SIRT7: variants seen among roughly 807,000 people sequenced by gnomAD.
SIRT7 encodes NAD-dependent protein deacetylase sirtuin-7.
Under a neutral mutation model 42.8 loss-of-function variants are expected in SIRT7, and 32 were observed. The ratio of observed to expected loss-of-function variants is 0.75; its 90% confidence interval spans 0.56 to 1.00. SIRT7 has a LOEUF of 1.00. SIRT7 is among the 50% of genes least tolerant of loss of function. The pLI is 0.00. For missense variants in SIRT7, 553 were observed against 572.2 expected (o/e 0.97, Z 0.34); for synonymous variants, 297 against 245.2 (o/e 1.21, Z -1.97).
intron 5 of SIRT7, chr17:81,915,106 GCAGAAGGTCCC>G (rs570530017): frequency 1.3e-3 from 622 of 496,310 alleles, no homozygotes; most frequent in Non-Finnish European, 2.0e-3. Flanking sequence ...AGGGTGTTCA[GCAGAAGGTCCC>G]CAGAGATGTC....
rs2040667912 is a variant in SIRT7 at position 81,912,006 on chromosome 17, T to C, written c.*410A>G. 2 of 243,900 alleles carry C rather than the reference T, an allele frequency of 8.2e-6. No individual in the cohort carries two copies. Among genetic ancestry groups the C allele is most frequent in the African/African-American group, 4.7e-5 (2 of 42,514 alleles). 15.1% of individuals were successfully genotyped at this position (243,900 alleles called of 1,614,324 possible). On this transcript the variant is annotated 3_prime_UTR_variant, in exon 10 of 10. Coordinates refer to ENST00000328666, the MANE Select transcript of SIRT7 (RefSeq NM_016538.3). Reference sequence around the variant, plus strand: ...GAGCCGAGGCTCGGAGCCACCCCTCTGCCGCACATCCAGTACAGAGAGGAT... The same window carrying C: ...GAGCCGAGGCTCGGAGCCACCCCTCCGCCGCACATCCAGTACAGAGAGGAT...
Position 81,917,815 on chromosome 17 carries a change from G to A in SIRT7, c.231+15C>T. On this transcript the variant is annotated intron_variant, in intron 2 of 9. Coordinates refer to ENST00000328666, the MANE Select transcript of SIRT7 (RefSeq NM_016538.3). ...CCGAAACCGGGGGCGCCCGCGCGCC[G>A]CACGCGGAACTCGCCTCCTCCTGCC... 2 of 1,411,632 alleles carry A rather than the reference G, an allele frequency of 1.4e-6. No homozygotes were observed. The highest frequency in any genetic ancestry group is 3.3e-5 in the Admixed American group (1 of 29,884). 87.4% of individuals were successfully genotyped at this position (1,411,632 alleles called of 1,614,324 possible). A position where few individuals can be genotyped will look rare whatever the true frequency, so the allele number is the denominator to read the frequency against.
chr17:81,917,323 G>A, intron 3 of SIRT7: 2 of 310,312 alleles, frequency 6.4e-6, no homozygotes, highest in Non-Finnish European at 1.2e-5. Flanking sequence ...ATCTTCCCTC[G>A]ACATGGACAG....
intron 5 of SIRT7, 51 bp from the exon 6 acceptor site, chr17:81,914,753 G>C (rs775241313): frequency 2.0e-6 from 3 of 1,486,134 alleles, no homozygotes; most frequent in Admixed American, 3.3e-5. Context: ...AGTGGTGGTG[G>C]GGAGGTCAGT....
chr17:81,917,981 G>A lies in SIRT7; in HGVS notation c.94-14C>T, dbSNP rs769282510. The A allele has an allele frequency of 2.5e-5, 33 of 1,335,734 alleles. No homozygotes were observed. Among genetic ancestry groups the A allele is most frequent in the South Asian group, 2.4e-4 (12 of 49,604 alleles). 82.7% of individuals were successfully genotyped at this position (1,335,734 alleles called of 1,614,324 possible). A position where few individuals can be genotyped will look rare whatever the true frequency, so the allele number is the denominator to read the frequency against. On this transcript the variant is annotated splice_polypyrimidine_tract_variant and intron_variant, in intron 1 of 9. Transcript: ENST00000328666. ...GATGCGCGACACCTGCGGGCAGGCG[G>A]ACGGTGAGCGGCGGCGCGGGCCGGG...
intron 5 of SIRT7, 80 bp downstream of exon 5, chr17:81,915,360 G>A (rs1194494248): frequency 4.8e-6 from 7 of 1,467,402 alleles, no homozygotes; most frequent in African/African-American, 4.2e-5. Flanking sequence ...GACAGAGGGC[G>A]GGTGCAGTTA....
intron 9 of SIRT7, 36 bp from the exon 10 acceptor site, chr17:81,912,650 G>T: frequency 6.3e-7 from 1 of 1,588,056 alleles, no homozygotes; most frequent in South Asian, 1.1e-5. Context: ...GGCGGGCCTG[G>T]GAGCCTCTCG....
At chr17:81,915,544 G>T in intron 4 of SIRT7, 32 bp from the exon 5 acceptor site, 1 of 1,613,388 alleles carries the variant, frequency 6.2e-7, no homozygotes, top group Non-Finnish European at 8.5e-7. Context: ...AAGGTGAGGA[G>T]AGCTGGAGCT....
At chr17:81,915,841 T>C (rs1291283449) in intron 3 of SIRT7, 160 bp from the exon 4 acceptor site, 3 of 769,992 alleles carry the variant, frequency 3.9e-6, no homozygotes, top group Non-Finnish European at 6.5e-6. Context: ...TGAGCCCATA[T>C]GGAGTGTACC....
chr17:81,917,063 A>C (rs546220114), intron 3 of SIRT7: 1 of 152,220 alleles, frequency 6.6e-6, no homozygotes, highest in African/African-American at 2.4e-5. Context: ...TTATTTGTTC[A>C]CATGCCTGAT....
Position 81,917,710 on chromosome 17 carries a change from C to G in SIRT7, c.241G>C (p.Asp81His). 1.3e-6 allele frequency: 2 copies of G among 1,596,338 alleles called. No individual in the cohort carries two copies. The highest frequency in any genetic ancestry group is 1.7e-4 in the Middle Eastern group (1 of 5,966). ...LKRRQEEVCDDPEELRGKVRE... is the reference protein window; with the variant it reads ...LKRRQEEVCDHPEELRGKVRE... ...ACCTTCCCCCGCAGCTCCTCCGGGT[C>G]GTCGCACACCTGCCAAGACGCCAGG... Residue 81 changes from aspartate (D) to histidine (H), a missense_variant, in exon 3 of 10, where the codon GAC becomes CAC. Coordinates refer to ENST00000328666, the MANE Select transcript of SIRT7 (RefSeq NM_016538.3).
At position 81,914,480 on chromosome 17, in the gene SIRT7, C is replaced by T; in HGVS notation, c.630G>A (p.Val210=). The T allele has an allele frequency of 6.2e-7, 1 of 1,613,194 alleles. No homozygotes were observed. The highest frequency in any genetic ancestry group is 8.5e-7 in the Non-Finnish European group (1 of 1,180,030). ...PNREYVRVFD[V]TERTALHRHQ... ...GTCTGTGGAGGGCAGTGCGCTCCGTCACATCGAACACCCGCACGTACTCCC... is the reference window on the plus strand; with the variant it reads ...GTCTGTGGAGGGCAGTGCGCTCCGTTACATCGAACACCCGCACGTACTCCC... Residue 210 remains valine, a synonymous_variant, in exon 7 of 10, where the codon GTG becomes GTA. Coordinates refer to ENST00000328666, the MANE Select transcript of SIRT7 (RefSeq NM_016538.3).
intron 3 of SIRT7, chr17:81,916,130 C>T (rs986258578): frequency 5.4e-6 from 1 of 185,040 alleles, no homozygotes; most frequent in Non-Finnish European, 1.2e-5. Context: ...GCTGACTATT[C>T]CCGCTCCACC....
At position 81,917,665 on chromosome 17, in the gene SIRT7, C is replaced by G; in HGVS notation, c.286G>C (p.Val96Leu). 6.2e-7 allele frequency: 1 copy of G among 1,607,542 alleles called. No individual in the cohort carries two copies. Among genetic ancestry groups the G allele is most frequent in the Non-Finnish European group, 8.5e-7 (1 of 1,177,546 alleles). The change falls in exon 3 of 10, where the codon GTC (valine) becomes CTC (leucine). Residue 96 changes from valine (V) to leucine (L), a missense_variant. Val to Leu is a conservative substitution (Grantham distance 32, BLOSUM62 1). Transcript: ENST00000328666. The part of the protein sequence containing the change: ...RGKVRELASA[V>L]RNAKYLVVYT... ...ACGACCAAGTATTTGGCGTTCCGGA[C>G]GGCGCTGGCCAGCTCCCGGACCTTC...
chr17:81,914,138 G>A lies in SIRT7; in HGVS notation c.846C>T (p.Cys282=), dbSNP rs377281087. 1.2e-6 allele frequency: 2 copies of A among 1,613,666 alleles called. No homozygotes were observed. The highest frequency in any genetic ancestry group is 1.3e-5 in the African/African-American group (1 of 75,056). The change falls in exon 8 of 10, where the codon TGC becomes TGT. Residue 282 remains cysteine (C), a synonymous_variant. Coordinates refer to ENST00000328666, the MANE Select transcript of SIRT7 (RefSeq NM_016538.3). ...GCCGCCGGCTAGGGGGCTTGGTCAT[G>A]CACCAGAGGCGTGGGTACTTCTTTA... is the stretch of plus-strand genomic sequence containing the variant. ...KVLKKYPRLW[C]MTKPPSRRPK...
intron 6 of SIRT7, 25 bp from the exon 7 acceptor site, chr17:81,914,555 T>C (rs2040756561): frequency 2.5e-6 from 4 of 1,612,462 alleles, no homozygotes; most frequent in Non-Finnish European, 2.5e-6. Context: ...GCACAGTGAG[T>C]GGGACCCGCC....
intron 3 of SIRT7, chr17:81,916,902 C>T (rs2040815390): frequency 6.6e-6 from 1 of 152,192 alleles, no homozygotes; most frequent in Non-Finnish European, 1.5e-5. Flanking sequence ...TGCCTCATTC[C>T]AACCTTCTGT....
Position 81,913,173 on chromosome 17 carries a change from G to C in SIRT7, c.1005-559C>G, listed in dbSNP as rs2040723960. ...TAAAAAAAAAATACAGTACACGATAGCCCACATCACAGAACACCACACACA... is the reference window on the plus strand; with the variant it reads ...TAAAAAAAAAATACAGTACACGATACCCCACATCACAGAACACCACACACA... On this transcript the variant is annotated intron_variant, in intron 9 of 9. Coordinates refer to ENST00000328666, the MANE Select transcript of SIRT7 (RefSeq NM_016538.3). This position sits in a 1 kb window ranked among gnomAD's most constrained non-coding sequence, Gnocchi z 5.0. The C allele has an allele frequency of 4.7e-6, 2 of 423,050 alleles. No homozygotes were observed. The highest frequency in any genetic ancestry group is 1.7e-5 in the South Asian group (1 of 58,798). 26.2% of individuals were successfully genotyped at this position (423,050 alleles called of 1,614,324 possible). A position where few individuals can be genotyped will look rare whatever the true frequency, so the allele number is the denominator to read the frequency against.
Position 81,913,696 on chromosome 17 carries a change from C to T in SIRT7, c.1004+78G>A. 8.0e-7 allele frequency: 1 copy of T among 1,252,682 alleles called. No individual in the cohort carries two copies. Among genetic ancestry groups the T allele is most frequent in the East Asian group, 2.5e-5 (1 of 39,444 alleles). The allele number at this position is 1,252,682 out of a possible 1,614,324, so 77.6% of individuals were successfully genotyped here. A position where few individuals can be genotyped will look rare whatever the true frequency, so the allele number is the denominator to read the frequency against. ...CAAACACCTCAGAGCTTCCTCCACA[C>T]TCAGCTCACGAGAGAAGACAGACAA... On this transcript the variant is annotated intron_variant, in intron 9 of 9. Coordinates refer to ENST00000328666, the MANE Select transcript of SIRT7 (RefSeq NM_016538.3). This position sits in a 1 kb window ranked among gnomAD's most constrained non-coding sequence, Gnocchi z 5.0.
Sources: allele counts gnomAD v4.1 joint callset, GRCh38; gene constraint gnomAD v4.1.1; non-coding constraint Gnocchi (gnomAD v3.1); transcripts MANE v1.5; gene names NCBI Gene and HGNC (gene_info 2026-07-23, HGNC 2026-07-21).